The following ASTN2 variants were observed in gnomAD, a reference collection of about 807,000 sequenced individuals.
ASTN2 encodes the protein astrotactin 2, also known as astrotactin-2.
Under a neutral mutation model 139.8 loss-of-function variants are expected in ASTN2, and 54 were observed. That is an observed-to-expected ratio of 0.39 (90% CI 0.31 to 0.48). The LOEUF is 0.48. ASTN2 is among the 20% of genes least tolerant of loss of function. The pLI, the probability that ASTN2 is intolerant of heterozygous loss-of-function variation, is 0.95. For missense variants in ASTN2, 1,565 were observed against 1,725.1 expected, an observed-to-expected ratio of 0.91 and a Z score of 1.64; for synonymous variants, 756 against 719.5, an observed-to-expected ratio of 1.05 and a Z score of -0.81.
At chr9:116,472,929 A>G (rs942382247) in intron 20 of ASTN2, among the ~76,000 whole-genome samples, 3 of 8,712 alleles carry the variant, frequency 3.4e-4, no homozygotes, top group African/African-American at 3.7e-4. Flanking sequence ...TCTGTCTTGG[A>G]AAAAAAAAAA....
At chr9:117,334,787 C>T (rs1430360581) in intron 1 of ASTN2, among the ~76,000 whole-genome samples, 2 of 152,194 alleles carry the variant, frequency 1.3e-5, no homozygotes, top group Non-Finnish European at 2.9e-5. Flanking sequence ...GGCATGGAGG[C>T]TCACGCCTGT....
At chr9:116,639,286 T>C (rs1857218319) in intron 17 of ASTN2, among the ~76,000 whole-genome samples, 1 of 152,174 alleles carries the variant, frequency 6.6e-6, no homozygotes, top group Non-Finnish European at 1.5e-5. Context: ...GATATGAATT[T>C]ATAGCCTGGA....
intron 2 of ASTN2, among the ~76,000 whole-genome samples, chr9:117,279,831 G>A (rs556680204): frequency 1.3e-5 from 2 of 152,284 alleles, no homozygotes; most frequent in Middle Eastern, 3.4e-3. Flanking sequence ...CCAGCTTATG[G>A]TAGCTCTTGG....
chr9:117,161,913 T>C (rs879431226), intron 3 of ASTN2, among the ~76,000 whole-genome samples: 1 of 152,070 alleles, frequency 6.6e-6, no homozygotes, highest in Non-Finnish European at 1.5e-5. Context: ...AGAGTTACTA[T>C]ATTAGTTGAT....
rs1233266591 is a variant in ASTN2 at position 117,016,604 on chromosome 9, CTATATCTATATCTATCTATCTA to C, written c.1424-8367_1424-8346del. Reference sequence around the variant, plus strand: ...GGTATTCTAGGTTTTATATATATATCTATATCTATATCTATCTATCTATATATATATATATATATATATATAT... The same window carrying C: ...GGTATTCTAGGTTTTATATATATATCTATATATATATATATATATATATAT... On this transcript the variant is annotated intron_variant, in intron 6 of 22. Transcript: ENST00000313400. Among the ~76,000 whole-genome samples, 4 of 21,642 alleles carry C rather than the reference CTATATCTATATCTATCTATCTA, an allele frequency of 1.8e-4. 1 individual carries two copies. Among genetic ancestry groups the C allele is most frequent in the African/African-American group, 9.0e-4 (4 of 4,458 alleles). 14.2% of individuals were successfully genotyped at this position (21,642 alleles called of 152,430 possible).
chr9:116,799,458 T>C (rs1426225292), intron 13 of ASTN2, among the ~76,000 whole-genome samples: 10 of 152,132 alleles, frequency 6.6e-5, no homozygotes, highest in African/African-American at 2.4e-4. Flanking sequence ...TGCAGGTCAT[T>C]CTTGAGGGCC....
At chr9:116,453,610 A>AG (rs1848241541) in intron 20 of ASTN2, among the ~76,000 whole-genome samples, 1 of 151,038 alleles carries the variant, frequency 6.6e-6, no homozygotes, top group Admixed American at 6.6e-5. Context: ...AAAAAAAAAA[A>AG]AAAAAAAAAA....
chr9:116,501,775 C>T (rs568665889), intron 19 of ASTN2, among the ~76,000 whole-genome samples: 3 of 151,776 alleles, frequency 2.0e-5, no homozygotes, highest in South Asian at 2.1e-4. Flanking sequence ...GTGGGTGCAG[C>T]GCACCAGCAC....
At chr9:116,451,986 C>G (rs1028684274) in intron 20 of ASTN2, among the ~76,000 whole-genome samples, 4 of 152,204 alleles carry the variant, frequency 2.6e-5, no homozygotes, top group South Asian at 4.2e-4. Context: ...CCCCATCCCC[C>G]GTCTTTTCCT....
chr9:117,050,663 C>T (rs1050434871), intron 5 of ASTN2, among the ~76,000 whole-genome samples: 1 of 152,080 alleles, frequency 6.6e-6, no homozygotes, highest in Non-Finnish European at 1.5e-5. Flanking sequence ...CCTATTGATA[C>T]TCAAAGTTCT....
intron 1 of ASTN2, among the ~76,000 whole-genome samples, chr9:117,336,228 C>T (rs905102073): frequency 2.6e-5 from 4 of 152,086 alleles, no homozygotes; most frequent in African/African-American, 4.8e-5. Context: ...CACACTGGTG[C>T]ACAGCTCCCA....
chr9:117,335,016 C>A lies in ASTN2; in HGVS notation c.443-43503G>T, dbSNP rs144209697. On this transcript the variant is annotated intron_variant, in intron 1 of 22. Transcript: ENST00000313400. ...GTTGCAGTGAGCATAGATCATGCTA[C>A]TGCACTCCAGCCTGGGCAACAGAGT... Among the ~76,000 whole-genome samples, 1,501 of 152,248 alleles carry A rather than the reference C, an allele frequency of 9.9e-3. 16 individuals carry two copies. Among genetic ancestry groups the A allele is most frequent in the South Asian group, 0.049 (238 of 4,812 alleles).
chr9:116,687,238 A>T, intron 16 of ASTN2: 3 of 998,988 alleles, frequency 3.0e-6, no homozygotes, highest in Non-Finnish European at 3.6e-6. Context: ...GACAAGCCCC[A>T]GCATGCTGGG....
At chr9:117,079,911 C>T (rs945455667) in intron 5 of ASTN2, among the ~76,000 whole-genome samples, 1 of 152,236 alleles carries the variant, frequency 6.6e-6, no homozygotes, top group African/African-American at 2.4e-5. Context: ...AAGTTTGTTG[C>T]TTTTATTATT....
chr9:116,726,957 T>C (rs570518397), intron 15 of ASTN2, among the ~76,000 whole-genome samples: 1 of 152,154 alleles, frequency 6.6e-6, no homozygotes, highest in South Asian at 2.1e-4. Context: ...TTATTTATCC[T>C]GAATGTGACC....
chr9:116,772,375 TAAGAC>T (rs1424265280), intron 13 of ASTN2, among the ~76,000 whole-genome samples: 2 of 152,206 alleles, frequency 1.3e-5, no homozygotes, highest in Non-Finnish European at 2.9e-5. Context: ...TGCCACCATG[TAAGAC>T]GTGCCTTTGC....
chr9:117,334,916 G>A (rs1482887162), intron 1 of ASTN2, among the ~76,000 whole-genome samples: 1 of 152,114 alleles, frequency 6.6e-6, no homozygotes, highest in Non-Finnish European at 1.5e-5. Flanking sequence ...TTAGCCAGGC[G>A]TGGTGGCCTG....
intron 2 of ASTN2, among the ~76,000 whole-genome samples, chr9:117,223,229 T>C (rs1340977569): frequency 3.3e-5 from 5 of 152,160 alleles, no homozygotes. Context: ...AGTTCTCAAC[T>C]GGTGGCAATT....
At chr9:116,969,208 T>G (rs1836111523) in intron 10 of ASTN2, among the ~76,000 whole-genome samples, 1 of 152,172 alleles carries the variant, frequency 6.6e-6, no homozygotes, top group African/African-American at 2.4e-5. Flanking sequence ...AGAGGCACCA[T>G]AGCTTAGAGA....
Sources: allele counts gnomAD v4.1 joint callset (sites outside exome capture counted in the v4.1 genomes callset), GRCh38; gene constraint gnomAD v4.1.1; transcripts MANE v1.5; gene names NCBI Gene and HGNC (gene_info 2026-07-23, HGNC 2026-07-21).